The following FOXA3 variants were observed in gnomAD, a reference collection of about 807,000 sequenced individuals.
The protein encoded by FOXA3 is hepatocyte nuclear factor 3-gamma.
Under a neutral mutation model 16.9 loss-of-function variants are expected in FOXA3, and 11 were observed. The ratio of observed to expected loss-of-function variants is 0.65; its 90% CI spans 0.41 to 1.08. The LOEUF is 1.08. FOXA3 is among the 50% of genes least tolerant of loss of function. FOXA3 has a pLI of 0.00. For missense variants in FOXA3, 423 were observed against 470.1 expected (o/e 0.90, Z 0.93); for synonymous variants, 217 against 203.3 (o/e 1.07, Z -0.57).
rs775650612 is a variant in FOXA3, at chr19:45,872,484, G to A, written c.479G>A (p.Arg160His). 3 of 1,614,180 alleles carry A rather than the reference G, an allele frequency of 1.9e-6. No homozygotes were observed. The highest frequency in any genetic ancestry group is 2.5e-6 in the Non-Finnish European group (3 of 1,180,026). Residue 160 changes from arginine (R) to histidine (H), a missense_variant, in exon 2 of 2, where the codon CGC becomes CAC. Coordinates refer to ENST00000302177, the MANE Select transcript of FOXA3 (RefSeq NM_004497.3). This position sits in a 1 kb window ranked among gnomAD's most constrained non-coding sequence, Gnocchi z 4.5. ...LFPYYRENQQ[R>H]WQNSIRHSLS... is the part of the protein sequence containing the mutation. ...CCTTACTACCGGGAGAATCAGCAGC[G>A]CTGGCAGAACTCCATTCGCCACTCG...
rs1431545072 is a variant in FOXA3 at position 45,873,398 on chromosome 19, C to G, written c.*340C>G. ...TCAGTGACATCTTCTTTGGCCCCCCCCATTAGGTGCTGTGCCCACTTCTTT... is the reference window on the plus strand; with the variant it reads ...TCAGTGACATCTTCTTTGGCCCCCCGCATTAGGTGCTGTGCCCACTTCTTT... On this transcript the variant is annotated 3_prime_UTR_variant, in exon 2 of 2. Coordinates refer to ENST00000302177, the MANE Select transcript of FOXA3 (RefSeq NM_004497.3). 2.8e-6 allele frequency: 1 copy of G among 358,762 alleles called. No homozygotes were observed. The highest frequency in any genetic ancestry group is 6.3e-5 in the East Asian group (1 of 15,996). The allele number at this position is 358,762 out of a possible 1,614,324, so 22.2% of individuals were successfully genotyped here.
intron 1 of FOXA3, among the ~76,000 whole-genome samples, chr19:45,870,620 T>C (rs1054881440): frequency 1.5e-5 from 2 of 137,850 alleles, no homozygotes; most frequent in African/African-American, 2.8e-5. Flanking sequence ...CTGGCTGGAG[T>C]GTGCAGTGGC....
rs1966927879 is a variant in FOXA3, at chr19:45,873,165, G to A, written c.*107G>A. Reference sequence around the variant, plus strand: ...CACTTGTCCCATTGGTTAACATCTGGGTGGGTCTATTACTTACTGTGATGA... The same window carrying A: ...CACTTGTCCCATTGGTTAACATCTGAGTGGGTCTATTACTTACTGTGATGA... On this transcript the variant is annotated 3_prime_UTR_variant, in exon 2 of 2. Coordinates refer to ENST00000302177, the MANE Select transcript of FOXA3 (RefSeq NM_004497.3). 6.6e-7 allele frequency: 1 copy of A among 1,516,394 alleles called. No individual in the cohort carries two copies. Among genetic ancestry groups the A allele is most frequent in the African/African-American group, 1.4e-5 (1 of 72,338 alleles). 93.9% of individuals were successfully genotyped at this position (1,516,394 alleles called of 1,614,324 possible). A position where few individuals can be genotyped will look rare whatever the true frequency, so the allele number is the denominator to read the frequency against.
Position 45,864,433 on chromosome 19 carries a change from CG to C in FOXA3, c.-21del. 7.2e-7 allele frequency: 1 copy of C among 1,392,558 alleles called. No individual in the cohort carries two copies. The highest frequency in any genetic ancestry group is 1.6e-5 in the South Asian group (1 of 64,350). 86.3% of individuals were successfully genotyped at this position (1,392,558 alleles called of 1,614,324 possible). Reference sequence around the variant, plus strand: ...CGTTCCCCCGGGGCCGGAGCGGGGGCGGGTGGGGGCGTAAGCCCGGGGGATG... The same window carrying C: ...CGTTCCCCCGGGGCCGGAGCGGGGGCGGTGGGGGCGTAAGCCCGGGGGATG... On this transcript the variant is annotated 5_prime_UTR_variant, in exon 1 of 2. Transcript: ENST00000302177.
chr19:45,869,983 GCCA>G (rs780884241), intron 1 of FOXA3, among the ~76,000 whole-genome samples: 17 of 151,282 alleles, frequency 1.1e-4, no homozygotes, highest in Non-Finnish European at 2.2e-4. Context: ...ACAGGGTTTT[GCCA>G]TGTTGGCCAG....
rs1175232320 is a variant in FOXA3 at position 45,873,397 on chromosome 19, C to A, written c.*339C>A. The A allele has an allele frequency of 1.1e-5, 4 of 361,360 alleles. No individual in the cohort carries two copies. The highest frequency in any genetic ancestry group is 2.1e-5 in the Non-Finnish European group (4 of 192,404). 22.4% of individuals were successfully genotyped at this position (361,360 alleles called of 1,614,324 possible). On this transcript the variant is annotated 3_prime_UTR_variant, in exon 2 of 2. Transcript: ENST00000302177. ...TTCAGTGACATCTTCTTTGGCCCCC[C>A]CCATTAGGTGCTGTGCCCACTTCTT...
At chr19:45,867,462 T>C (rs926150325) in intron 1 of FOXA3, among the ~76,000 whole-genome samples, 13 of 151,732 alleles carry the variant, frequency 8.6e-5, no homozygotes, top group Admixed American at 6.6e-5. Flanking sequence ...GATAGATGCA[T>C]GGATGGATGG....
At chr19:45,865,599 C>G (rs966341333) in intron 1 of FOXA3, among the ~76,000 whole-genome samples, 5 of 152,036 alleles carry the variant, frequency 3.3e-5, no homozygotes, top group Admixed American at 2.0e-4. Flanking sequence ...GGGTGTGGGG[C>G]AGGAATGGCT....
intron 1 of FOXA3, among the ~76,000 whole-genome samples, chr19:45,867,364 A>AT (rs1972093155): frequency 6.6e-6 from 1 of 151,820 alleles, no homozygotes; most frequent in Non-Finnish European, 1.5e-5. Flanking sequence ...TGTGGCTGCA[A>AT]TTTCACTGTA....
Position 45,872,803 on chromosome 19 carries a change from A to G in FOXA3, c.798A>G (p.Glu266=), listed in dbSNP as rs1352013268. The change falls in exon 2 of 2, where the codon GAA becomes GAG. Residue 266 remains glutamate (E), a synonymous_variant. Coordinates refer to ENST00000302177, the MANE Select transcript of FOXA3 (RefSeq NM_004497.3). The surrounding 1 kb of genome is among the most constrained non-coding windows in gnomAD (Gnocchi z 4.5). The stretch of plus-strand genomic sequence containing the variant: ...CTGAGCCTGAGGCCCAGGGCGGGGA[A>G]GATGTGGGGGCTCTGGACTGTGGCT... ...PAPEPEAQGG[E]DVGALDCGSP... is the part of the protein sequence containing the mutation. 1.2e-6 allele frequency: 2 copies of G among 1,612,076 alleles called. No homozygotes were observed. The highest frequency in any genetic ancestry group is 2.7e-5 in the African/African-American group (2 of 74,894).
At chr19:45,864,695 G>C (rs1305184488) in intron 1 of FOXA3, among the ~76,000 whole-genome samples, 170 bp downstream of exon 1, 1 of 152,116 alleles carries the variant, frequency 6.6e-6, no homozygotes, top group Non-Finnish European at 1.5e-5. Flanking sequence ...CCGGGGACGA[G>C]GCATGGATGG....
chr19:45,865,179 T>C (rs564407282), intron 1 of FOXA3, among the ~76,000 whole-genome samples: 7 of 152,010 alleles, frequency 4.6e-5, no homozygotes, highest in African/African-American at 1.7e-4. Flanking sequence ...CCATCAGCAT[T>C]GGCAGGAGAG....
At position 45,872,078 on chromosome 19, in the gene FOXA3, T is replaced by C. The variant is rs754343671; in HGVS notation, c.73T>C (p.Tyr25His). 5 of 1,611,576 alleles carry C rather than the reference T, an allele frequency of 3.1e-6. No individual in the cohort carries two copies. The highest frequency in any genetic ancestry group is 4.2e-6 in the Non-Finnish European group (5 of 1,178,656). The stretch of plus-strand genomic sequence containing the variant: ...CCTCCTTTCATCTTTCCCCTAGGTC[T>C]ACTCGCCGGTGACCCCAGTGCCCAC... ...WSYYPEAGEVYSPVTPVPTMA... is the reference protein window; with the variant it reads ...WSYYPEAGEVHSPVTPVPTMA... The change falls in exon 2 of 2, where the codon TAC becomes CAC. Residue 25 changes from tyrosine to histidine, a missense_variant. Transcript: ENST00000302177. The surrounding 1 kb of genome is among the most constrained non-coding windows in gnomAD (Gnocchi z 4.5).
In FOXA3 at chr19:45,864,509, A is replaced by C; in HGVS notation, c.53A>C (p.Tyr18Ser). Residue 18 changes from tyrosine to serine, a missense_variant, in exon 1 of 2, where the codon TAC becomes TCC. Transcript: ENST00000302177. ...CATGACCTGGCCGAGTGGAGCTACTACCCGGAGGCGGGCGAGGTGTGTCCT... is the reference window on the plus strand; with the variant it reads ...CATGACCTGGCCGAGTGGAGCTACTCCCCGGAGGCGGGCGAGGTGTGTCCT... Reference protein sequence around the residue: ...EAHDLAEWSYYPEAGEVYSPV... With the variant: ...EAHDLAEWSYSPEAGEVYSPV... 6.4e-7 allele frequency: 1 copy of C among 1,550,670 alleles called. No individual in the cohort carries two copies. The highest frequency in any genetic ancestry group is 1.2e-5 in the South Asian group (1 of 82,500).
At chr19:45,865,551 G>A (rs901486491) in intron 1 of FOXA3, among the ~76,000 whole-genome samples, 4 of 152,108 alleles carry the variant, frequency 2.6e-5, no homozygotes, top group Non-Finnish European at 4.4e-5. Context: ...CTGGACACTT[G>A]GACTTCTAAC....
At position 45,872,351 on chromosome 19, in the gene FOXA3, G is replaced by A. The variant is rs749800055; in HGVS notation, c.346G>A (p.Ala116Thr). ...PKGYRRPLAH[A>T]KPPYSYISLI... ...GGGGTATCGGCGGCCCCTGGCACAC[G>A]CCAAGCCACCGTATTCCTATATCTC... Residue 116 changes from alanine (A) to threonine (T), a missense_variant, in exon 2 of 2, where the codon GCC (alanine) becomes ACC (threonine). Around this residue, in one of 3 missense-constraint regions of FOXA3, gnomAD observed 85 missense variants for 136.9 expected, o/e 0.62. Coordinates refer to ENST00000302177, the MANE Select transcript of FOXA3 (RefSeq NM_004497.3). The surrounding 1 kb of genome is among the most constrained non-coding windows in gnomAD (Gnocchi z 4.5). 43 of 1,614,032 alleles carry A rather than the reference G, an allele frequency of 2.7e-5. No individual in the cohort carries two copies. Among genetic ancestry groups the A allele is most frequent in the South Asian group, 2.6e-4 (24 of 91,094 alleles).
intron 1 of FOXA3, among the ~76,000 whole-genome samples, chr19:45,867,630 C>T (rs1972095933): frequency 6.6e-6 from 1 of 151,386 alleles, no homozygotes; most frequent in South Asian, 2.1e-4. Context: ...AAATACAAAA[C>T]TTAGCTGGGC....
chr19:45,864,562 G>T (rs2146358457), intron 1 of FOXA3, 37 bp downstream of exon 1: 4 of 1,482,296 alleles, frequency 2.7e-6, no homozygotes, highest in Non-Finnish European at 3.6e-6. Flanking sequence ...GAAGTTGGGG[G>T]CAGGTATCGG....
intron 1 of FOXA3, among the ~76,000 whole-genome samples, chr19:45,865,685 CTG>C (rs1972078451): frequency 6.6e-6 from 1 of 151,910 alleles, no homozygotes; most frequent in East Asian, 1.9e-4. Context: ...GGGCTCGAAA[CTG>C]TAGGGTGGGA....
Sources: allele counts gnomAD v4.1 joint callset (sites outside exome capture counted in the v4.1 genomes callset), GRCh38; gene constraint gnomAD v4.1.1; regional missense constraint gnomAD v4.1.1; non-coding constraint Gnocchi (gnomAD v3.1); transcripts MANE v1.5; gene names NCBI Gene and HGNC (gene_info 2026-07-23, HGNC 2026-07-21).